Variants in DACH1 observed in about 807,000 individuals in gnomAD.
DACH1 encodes dachshund family transcription factor 1, also known as dachshund homolog 1.
Under a neutral mutation model 54.2 loss-of-function variants are expected in DACH1, and 12 were observed. The observed-to-expected ratio is 0.22, with a 90% CI of 0.14 to 0.36. DACH1 has a LOEUF of 0.36. Among genes scored for constraint, DACH1 ranks in the 10% least tolerant of loss-of-function variants. The pLI is 1.00. For synonymous variants in DACH1, 386 were observed against 366.2 expected (o/e 1.05, Z -0.62); for missense variants, 805 against 929.8 (o/e 0.87, Z 1.75).
At position 71,557,083 on chromosome 13, in the gene DACH1, T is replaced by A; in HGVS notation, c.1511A>T (p.Glu504Val). The change falls in exon 6 of 11, where the codon GAG becomes GTG. Residue 504 changes from glutamate to valine, a missense_variant. By Grantham distance (121) the Glu-to-Val change is moderately radical. This residue lies in a region of DACH1 where 472 missense variants were observed against 545.3 expected (regional missense o/e 0.87). Transcript: ENST00000613252. Reference sequence around the variant, plus strand: ...CATGTCATGACCGGCCAAATCTCCCTCTTTGGGCCCAGGAAGTACATTTGG... The same window carrying A: ...CATGTCATGACCGGCCAAATCTCCCACTTTGGGCCCAGGAAGTACATTTGG... ...LSPNVLPGPK[E>V]GDLAGHDMGH... 6.2e-7 allele frequency: 1 copy of A among 1,611,840 alleles called. No individual in the cohort carries two copies. The highest frequency in any genetic ancestry group is 8.5e-7 in the Non-Finnish European group (1 of 1,178,918).
At chr13:71,496,332 A>G (rs1879439094) in intron 6 of DACH1, among the ~76,000 whole-genome samples, 1 of 143,226 alleles carries the variant, frequency 7.0e-6, no homozygotes, top group South Asian at 2.2e-4. Context: ...TATGCAACAT[A>G]TATATATATT....
chr13:71,716,966 A>AT (rs1459317701), intron 1 of DACH1, among the ~76,000 whole-genome samples: 1 of 152,094 alleles, frequency 6.6e-6, no homozygotes, highest in Admixed American at 6.6e-5. Context: ...GTAATTAACT[A>AT]TTTTTTTAAA....
chr13:71,566,935 G>A (rs1884926735), intron 4 of DACH1, among the ~76,000 whole-genome samples: 1 of 151,972 alleles, frequency 6.6e-6, no homozygotes, highest in South Asian at 2.1e-4. Context: ...ATGTCACATT[G>A]CTCTAAGATT....
chr13:71,584,803 A>C (rs1873114768), intron 3 of DACH1, among the ~76,000 whole-genome samples: 1 of 152,258 alleles, frequency 6.6e-6, no homozygotes, highest in Non-Finnish European at 1.5e-5. Context: ...AAATTAAGTT[A>C]ACCCTGCATA....
At chr13:71,582,523 T>C (rs937742024) in intron 3 of DACH1, among the ~76,000 whole-genome samples, 1 of 152,176 alleles carries the variant, frequency 6.6e-6, no homozygotes, top group Admixed American at 6.5e-5. Context: ...TTAGTCCAAC[T>C]TGTAATATGA....
At chr13:71,686,888 G>T (rs566318947) in intron 1 of DACH1, among the ~76,000 whole-genome samples, 2 of 152,282 alleles carry the variant, frequency 1.3e-5, no homozygotes, top group East Asian at 3.9e-4. Context: ...AGAGAAAAGA[G>T]CTACTGTATA....
intron 6 of DACH1, among the ~76,000 whole-genome samples, chr13:71,519,892 T>TATATATATATATATATATATATATAC (rs1881452650): frequency 7.8e-6 from 1 of 128,230 alleles, no homozygotes; most frequent in Non-Finnish European, 1.7e-5. Flanking sequence ...AGTATATATA[T>TATATATATATATATATATATATATAC]ATATATATAT....
At chr13:71,708,210 C>A (rs1882539626) in intron 1 of DACH1, among the ~76,000 whole-genome samples, 1 of 151,668 alleles carries the variant, frequency 6.6e-6, no homozygotes, top group Non-Finnish European at 1.5e-5. Flanking sequence ...TCCTGTGCCT[C>A]GATCTATAAC....
chr13:71,793,317 C>A (rs1209806199), intron 1 of DACH1, among the ~76,000 whole-genome samples: 1 of 152,130 alleles, frequency 6.6e-6, no homozygotes, highest in Non-Finnish European at 1.5e-5. Flanking sequence ...TTAACTATAT[C>A]TTTGAGACTC....
At chr13:71,601,214 C>T (rs890916850) in intron 3 of DACH1, among the ~76,000 whole-genome samples, 6 of 151,974 alleles carry the variant, frequency 3.9e-5, no homozygotes, top group Admixed American at 2.0e-4. Context: ...TCTCTTTCTC[C>T]GCCTGAAGCA....
rs140456102 is a variant in DACH1 at position 71,642,746 on chromosome 13, C to T, written c.965-12029G>A. 1.5e-4 allele frequency among the ~76,000 whole-genome samples: 23 copies of T among 152,152 alleles called. No individual in the cohort carries two copies. In the East Asian group the frequency reaches 3.7e-3, roughly 24 times the overall value. ...TTAAAAATTACTAACTCAGGCCGGG[C>T]GCAGTGGCTCATGGCTGTAATCCCA... is the stretch of plus-strand genomic sequence containing the variant. On this transcript the variant is annotated intron_variant, in intron 2 of 10. Coordinates refer to ENST00000613252, the MANE Select transcript of DACH1 (RefSeq NM_080759.6).
chr13:71,552,832 T>G (rs1261144750), intron 6 of DACH1, among the ~76,000 whole-genome samples: 158 of 38,716 alleles, frequency 4.1e-3, no homozygotes, highest in Non-Finnish European at 5.1e-3. Context: ...TATATATATA[T>G]ATATATATAT....
intron 6 of DACH1, among the ~76,000 whole-genome samples, chr13:71,504,702 A>T (rs1022304815): frequency 5.3e-5 from 8 of 152,224 alleles, no homozygotes; most frequent in African/African-American, 1.9e-4. Context: ...TCATGGATGT[A>T]TCATGAGAAT....
intron 3 of DACH1, among the ~76,000 whole-genome samples, chr13:71,623,047 T>C (rs1175940245): frequency 2.6e-5 from 4 of 151,780 alleles, no homozygotes; most frequent in African/African-American, 7.2e-5. Context: ...ATAGTTTATA[T>C]AGGAAACTAG....
intron 10 of DACH1, among the ~76,000 whole-genome samples, chr13:71,443,949 T>C (rs1320567891): frequency 3.3e-5 from 5 of 152,192 alleles, no homozygotes; most frequent in African/African-American, 1.2e-4. Context: ...GTATGGAATA[T>C]GGCCTGATTT....
At chr13:71,812,720 T>C (rs1316522279) in intron 1 of DACH1, among the ~76,000 whole-genome samples, 2 of 152,194 alleles carry the variant, frequency 1.3e-5, no homozygotes, top group African/African-American at 4.8e-5. Flanking sequence ...ATTATTTAAC[T>C]TGAGATTCCT....
intron 1 of DACH1, among the ~76,000 whole-genome samples, chr13:71,702,202 A>G (rs1254391723): frequency 1.3e-5 from 2 of 152,196 alleles, no homozygotes; most frequent in Non-Finnish European, 2.9e-5. Flanking sequence ...TCTCAACTTT[A>G]AAATGATCCT....
At chr13:71,773,172 T>C (rs1240446070) in intron 1 of DACH1, among the ~76,000 whole-genome samples, 1 of 151,896 alleles carries the variant, frequency 6.6e-6, no homozygotes, top group Non-Finnish European at 1.5e-5. Context: ...CATATTCATA[T>C]GTAACATCTG....
At chr13:71,656,839 T>C (rs544715298) in intron 2 of DACH1, among the ~76,000 whole-genome samples, 1 of 146,338 alleles carries the variant, frequency 6.8e-6, no homozygotes, top group South Asian at 2.2e-4. Flanking sequence ...GACAGATAGA[T>C]TGATAGACAG....
Sources: allele counts gnomAD v4.1 joint callset (sites outside exome capture counted in the v4.1 genomes callset), GRCh38; gene constraint gnomAD v4.1.1; regional missense constraint gnomAD v4.1.1; transcripts MANE v1.5; gene names NCBI Gene and HGNC (gene_info 2026-07-23, HGNC 2026-07-21).